HDAC9: variants seen among roughly 807,000 people sequenced by gnomAD.
HDAC9 encodes the protein MEF-2 interacting transcription repressor (MITR) protein.
HDAC9 carries 41 observed loss-of-function variants against 139.4 expected under a neutral mutation model. The ratio of observed to expected loss-of-function variants is 0.29; its 90% CI spans 0.23 to 0.38. The LOEUF is 0.38. Among genes scored for constraint, HDAC9 ranks in the 10% least tolerant of loss-of-function variants. The probability of loss-of-function intolerance (pLI) is 1.00; values close to 1 mark genes in which losing one functional copy is unlikely to be tolerated. For missense variants in HDAC9, 1,147 were observed against 1,297.0 expected (o/e 0.88, Z 1.78); for synonymous variants, 517 against 476.2 (o/e 1.09, Z -1.12).
rs530744106 is a variant in HDAC9, at chr7:18,177,703, C to G, written c.25+15354C>G. The stretch of plus-strand genomic sequence containing the variant: ...GGGTTGTCTTCTCTAATAGGCTTAG[C>G]TTTTTGAGGGCAAGGGACATCTAAG... On this transcript the variant is annotated intron_variant, in intron 2 of 12. Transcript: ENST00000417496. Among the ~76,000 whole-genome samples, 13 of 152,282 alleles carry G rather than the reference C, an allele frequency of 8.5e-5. No individual in the cohort carries two copies. The East Asian group carries it at 2.1e-3, about 25-fold the overall frequency.
intron 14 of HDAC9, among the ~76,000 whole-genome samples, chr7:18,749,744 C>T (rs188582838): frequency 6.6e-6 from 1 of 152,212 alleles, no homozygotes; most frequent in East Asian, 1.9e-4. Context: ...ACAGTCATAT[C>T]AATTCAGAAA....
In HDAC9 at chr7:18,726,245, T is replaced by TAAGTTTCTCAGC. The variant is rs551329178; in HGVS notation, c.1732-1334_1732-1323dup. Among the ~76,000 whole-genome samples, 19 of 152,338 alleles carry TAAGTTTCTCAGC rather than the reference T, an allele frequency of 1.2e-4. No homozygotes were observed. The South Asian group carries it at 3.9e-3, about 32-fold the overall frequency. On this transcript the variant is annotated intron_variant, in intron 12 of 25. Coordinates refer to ENST00000686413, the MANE Select transcript of HDAC9 (RefSeq NM_178425.4). ...TATACAGATTTGTTAGCTTTCTCAG[T>TAAGTTTCTCAGC]AAGTTTCTCAGCCAGTGTAATTTGT...
chr7:18,159,758 G>T (rs1162031296), intron 1 of HDAC9, among the ~76,000 whole-genome samples: 1 of 152,082 alleles, frequency 6.6e-6, no homozygotes, highest in Admixed American at 6.6e-5. Context: ...ATGGAAACTA[G>T]TGTATATCAA....
chr7:18,118,942 A>G (rs1406757620), intron 1 of HDAC9, among the ~76,000 whole-genome samples: 1 of 152,204 alleles, frequency 6.6e-6, no homozygotes, highest in East Asian at 1.9e-4. Context: ...TTAAGACGGC[A>G]TGAGTACCCC....
At position 18,477,814 on chromosome 7, in the gene HDAC9, C is replaced by T. The variant is rs536531134; in HGVS notation, c.-41-18448C>T. ...TATATATTCCTTTATCTAATGTTAA[C>T]GACTCACAGCCTGTAACTACCATCT... On this transcript the variant is annotated intron_variant, in intron 1 of 3. Coordinates refer to the HDAC9 transcript ENST00000413509. Among the ~76,000 whole-genome samples the T allele has an allele frequency of 1.1e-4, 17 of 152,170 alleles. No homozygotes were observed. In the South Asian group the frequency reaches 1.7e-3, roughly 15 times the overall value.
At chr7:18,846,932 G>A (rs1057186306) in intron 21 of HDAC9, among the ~76,000 whole-genome samples, 1 of 152,142 alleles carries the variant, frequency 6.6e-6, no homozygotes, top group Non-Finnish European at 1.5e-5. Flanking sequence ...TCTTGTTTGA[G>A]CTTGGATTTG....
rs36100341 is a variant in HDAC9, at chr7:18,591,475, A to ATGTGTGTGTGTGTGTGTGTG, written c.416-27_416-8dup. 6 of 1,474,030 alleles carry ATGTGTGTGTGTGTGTGTGTG rather than the reference A, an allele frequency of 4.1e-6. No homozygotes were observed. The Middle Eastern group carries it at 5.4e-4, about 132-fold the overall frequency. The allele number at this position is 1,474,030 out of a possible 1,614,324, so 91.3% of individuals were successfully genotyped here. A position where few individuals can be genotyped will look rare whatever the true frequency, so the allele number is the denominator to read the frequency against. ...CATCAACATCTGTTTCTGTGTGTGT[A>ATGTGTGTGTGTGTGTGTGTG]TGTGTGTGTGTGTGTGTGTGTGTGT... is the stretch of plus-strand genomic sequence containing the variant. On this transcript the variant is annotated intron_variant, in intron 4 of 25. Coordinates refer to ENST00000686413, the MANE Select transcript of HDAC9 (RefSeq NM_178425.4).
At chr7:18,285,017 G>A (rs1002117634) in intron 2 of HDAC9, among the ~76,000 whole-genome samples, 1 of 151,998 alleles carries the variant, frequency 6.6e-6, no homozygotes, top group African/African-American at 2.4e-5. Context: ...ACTTTATCAA[G>A]GAGAAAAATT....
chr7:18,664,295 G>T (rs1435039254), intron 11 of HDAC9, among the ~76,000 whole-genome samples: 2 of 152,098 alleles, frequency 1.3e-5, no homozygotes, highest in African/African-American at 4.8e-5. Context: ...TAGATGGTAG[G>T]CACAAAGGAA....
chr7:18,375,902 A>G (rs142284073), intron 1 of HDAC9, among the ~76,000 whole-genome samples: 1 of 152,284 alleles, frequency 6.6e-6, no homozygotes, highest in Non-Finnish European at 1.5e-5. Context: ...TTTTTCAAAG[A>G]TGAAATGAAA....
At chr7:18,236,398 A>C (rs112351962) in intron 2 of HDAC9, among the ~76,000 whole-genome samples, 1 of 152,224 alleles carries the variant, frequency 6.6e-6, no homozygotes, top group Non-Finnish European at 1.5e-5. Context: ...AGAAGGCATG[A>C]GTGTCTTATT....
chr7:18,162,873 A>C (rs1787740699), intron 2 of HDAC9, among the ~76,000 whole-genome samples: 1 of 152,052 alleles, frequency 6.6e-6, no homozygotes, highest in South Asian at 2.1e-4. Flanking sequence ...TATTCCAGTG[A>C]TGTGTGCTGC....
At chr7:18,143,080 A>G (rs1786028770) in intron 1 of HDAC9, among the ~76,000 whole-genome samples, 1 of 152,170 alleles carries the variant, frequency 6.6e-6, no homozygotes, top group Non-Finnish European at 1.5e-5. Flanking sequence ...CCAAAACTCC[A>G]TCCCCTGCTG....
intron 24 of HDAC9, among the ~76,000 whole-genome samples, chr7:18,967,652 T>C (rs11973923): frequency 0.02 from 3,119 of 152,280 alleles, 104 homozygotes; most frequent in African/African-American, 0.072. Context: ...GGAATGTACT[T>C]AGCATTACGT....
intron 21 of HDAC9, among the ~76,000 whole-genome samples, chr7:18,843,023 C>T (rs1023848866): frequency 2.6e-5 from 4 of 151,968 alleles, no homozygotes; most frequent in African/African-American, 9.7e-5. Flanking sequence ...TTTAAAAGGT[C>T]GGATCAGCTA....
At chr7:18,741,491 G>A (rs1584953765) in intron 13 of HDAC9, among the ~76,000 whole-genome samples, 1 of 152,102 alleles carries the variant, frequency 6.6e-6, no homozygotes, top group Non-Finnish European at 1.5e-5. Context: ...GCTCAGGGGG[G>A]AAAAAAAGTT....
chr7:18,894,148 A>G (rs1462653607), intron 22 of HDAC9, among the ~76,000 whole-genome samples: 1 of 152,158 alleles, frequency 6.6e-6, no homozygotes, highest in African/African-American at 2.4e-5. Flanking sequence ...CCAGAGAGGA[A>G]TGAGTGGCTC....
chr7:18,134,517 T>C (rs1785255714), intron 1 of HDAC9, among the ~76,000 whole-genome samples: 1 of 152,154 alleles, frequency 6.6e-6, no homozygotes, highest in Non-Finnish European at 1.5e-5. Context: ...TTTGAAGCAG[T>C]AGTAACTTCA....
At chr7:18,889,163 G>T (rs1400866322) in intron 22 of HDAC9, among the ~76,000 whole-genome samples, 2 of 152,000 alleles carry the variant, frequency 1.3e-5, no homozygotes, top group African/African-American at 4.8e-5. Context: ...AAATCTTTCT[G>T]TCTCTCTAAC....
Sources: allele counts gnomAD v4.1 joint callset (sites outside exome capture counted in the v4.1 genomes callset), GRCh38; gene constraint gnomAD v4.1.1; transcripts MANE v1.5; gene names NCBI Gene and HGNC (gene_info 2026-07-23, HGNC 2026-07-21).